The following MTOR variants were observed in gnomAD, a reference collection of about 807,000 sequenced individuals.
The protein encoded by MTOR is mechanistic target of rapamycin kinase.
A neutral mutation model predicts 319.8 loss-of-function variants in MTOR; 70 were observed. The ratio of observed to expected loss-of-function variants is 0.22; its 90% CI spans 0.18 to 0.27. MTOR has a LOEUF of 0.27. Ranked by LOEUF, MTOR falls within the 10% of genes least tolerant of loss-of-function variation. MTOR has a pLI of 1.00. For missense variants in MTOR, 1,890 were observed against 3,274.4 expected, an observed-to-expected ratio of 0.58 and a Z score of 10.32; for synonymous variants, 1,183 against 1,211.4, an observed-to-expected ratio of 0.98 and a Z score of 0.49.
chr1:11,178,720 G>A (rs961267230), intron 28 of MTOR, among the ~76,000 whole-genome samples: 2 of 152,148 alleles, frequency 1.3e-5, no homozygotes, highest in African/African-American at 2.4e-5. Flanking sequence ...TGGGGAAAAG[G>A]AGCAAAAGGG....
At chr1:11,189,711 C>A in intron 28 of MTOR, 1 of 1,614,206 alleles carries the variant, frequency 6.2e-7, no homozygotes, top group South Asian at 1.1e-5. Context: ...AAGCGGCCAA[C>A]TGCTGTGAGG....
At chr1:11,185,141 T>C (rs1410165940) in intron 28 of MTOR, among the ~76,000 whole-genome samples, 3 of 152,188 alleles carry the variant, frequency 2.0e-5, no homozygotes, top group East Asian at 1.9e-4. Context: ...TGTCCAAGAG[T>C]TCAGCTGTCT....
Position 11,258,746 on chromosome 1 carries a change from T to C in MTOR, c.163-153A>G, listed in dbSNP as rs191054633. The stretch of plus-strand genomic sequence containing the variant: ...ACTGCCCATTTCTATAGGATTACAC[T>C]GTAGAGTACCTGAACTTGCAATCAT... On this transcript the variant is annotated intron_variant, in intron 2 of 57. Transcript: ENST00000361445. Among the ~76,000 whole-genome samples, 174 of 152,354 alleles carry C rather than the reference T, an allele frequency of 1.1e-3. 1 individual carries two copies. Among genetic ancestry groups the C allele is most frequent in the Non-Finnish European group, 2.2e-3 (147 of 68,030 alleles).
chr1:11,218,157 C>T (rs563582036), intron 19 of MTOR, among the ~76,000 whole-genome samples: 52 of 152,194 alleles, frequency 3.4e-4, no homozygotes, highest in African/African-American at 1.2e-3. Flanking sequence ...ACAGGCCGGG[C>T]GCGGTGGTTC....
chr1:11,115,596 C>T lies in MTOR; in HGVS notation c.7017-128G>A, dbSNP rs1642123400. The T allele has an allele frequency of 2.5e-6, 2 of 784,760 alleles. No individual in the cohort carries two copies. Among genetic ancestry groups the T allele is most frequent in the Admixed American group, 2.0e-5 (1 of 48,886 alleles). The allele number at this position is 784,760 out of a possible 1,614,324, so 48.6% of individuals were successfully genotyped here. A position where few individuals can be genotyped will look rare whatever the true frequency, so the allele number is the denominator to read the frequency against. On this transcript the variant is annotated intron_variant, in intron 50 of 57. Transcript: ENST00000361445. This position sits in a 1 kb window ranked among gnomAD's most constrained non-coding sequence, Gnocchi z 4.5. Reference sequence around the variant, plus strand: ...CCCTCAGCCAATCCAGCCCCTCCACCTCCACTTCTGCAAGTCCAGTTTTAC... The same window carrying T: ...CCCTCAGCCAATCCAGCCCCTCCACTTCCACTTCTGCAAGTCCAGTTTTAC...
At chr1:11,202,420 CAAA>C (rs35136193) in intron 26 of MTOR, among the ~76,000 whole-genome samples, 4 of 72,152 alleles carry the variant, frequency 5.5e-5, no homozygotes, top group African/African-American at 6.3e-5. Flanking sequence ...AACTCCGTCT[CAAA>C]AAAAAAAAAA....
rs1028299764 is a variant in MTOR at position 11,145,004 on chromosome 1, A to G, written c.4728T>C (p.Thr1576=). The change falls in exon 33 of 58, where the codon ACT becomes ACC. Residue 1576 remains threonine, a synonymous_variant. Transcript: ENST00000361445. ...GACTGTAACTCTCTCCTGCCATCGCAGTTAATTCAGCATCCAGCAGGTCCC... is the reference window on the plus strand; with the variant it reads ...GACTGTAACTCTCTCCTGCCATCGCGGTTAATTCAGCATCCAGCAGGTCCC... ...KARDLLDAEL[T]AMAGESYSRA... is the part of the protein sequence containing the mutation. The G allele has an allele frequency of 6.2e-7, 1 of 1,614,152 alleles. No homozygotes were observed. Among genetic ancestry groups the G allele is most frequent in the African/African-American group, 1.3e-5 (1 of 75,040 alleles).
At chr1:11,235,857 C>T (rs1401465146) in intron 13 of MTOR, among the ~76,000 whole-genome samples, 2 of 151,992 alleles carry the variant, frequency 1.3e-5, no homozygotes, top group Non-Finnish European at 2.9e-5. Flanking sequence ...TGGCGGGCGC[C>T]TGTAGTCCCA....
chr1:11,257,246 T>A, intron 3 of MTOR, 81 bp from the exon 4 acceptor site: 1 of 1,273,178 alleles, frequency 7.9e-7, no homozygotes, highest in Non-Finnish European at 1.1e-6. Flanking sequence ...TAAAAGCTGG[T>A]GAGTGCCGGC....
At chr1:11,162,837 A>T (rs1013246524) in intron 29 of MTOR, among the ~76,000 whole-genome samples, 7 of 152,238 alleles carry the variant, frequency 4.6e-5, no homozygotes, top group African/African-American at 1.7e-4. Context: ...AACATGCCAA[A>T]TTGTAAAGAC....
chr1:11,248,889 G>A (rs1238880274), intron 6 of MTOR, among the ~76,000 whole-genome samples: 1 of 152,102 alleles, frequency 6.6e-6, no homozygotes, highest in Admixed American at 6.6e-5. Flanking sequence ...GGAATAAGCT[G>A]ACTGAGAACT....
In MTOR at chr1:11,216,653, TAAAAAAA is replaced by T. The variant is rs34042645; in HGVS notation, c.3031-426_3031-420del. Among the ~76,000 whole-genome samples the T allele has an allele frequency of 6.7e-5, 9 of 134,042 alleles. 1 individual carries two copies. The East Asian group carries it at 1.7e-3, about 26-fold the overall frequency. 87.9% of individuals were successfully genotyped at this position (134,042 alleles called of 152,430 possible). A position where few individuals can be genotyped will look rare whatever the true frequency, so the allele number is the denominator to read the frequency against. On this transcript the variant is annotated intron_variant, in intron 19 of 57. Coordinates refer to ENST00000361445, the MANE Select transcript of MTOR (RefSeq NM_004958.4). ...GGTGACAGGGTGAGACCCTGTCTCT[TAAAAAAA>T]AAAAAAAAAAAGACACAAACTTAAA...
chr1:11,221,924 T>C (rs2100827764), intron 19 of MTOR, among the ~76,000 whole-genome samples: 1 of 150,558 alleles, frequency 6.6e-6, no homozygotes, highest in East Asian at 1.9e-4. Context: ...CAACTTGGTT[T>C]ACAGTATAAA....
Position 11,258,561 on chromosome 1 carries a change from G to A in MTOR, c.195C>T (p.Asp65=). The A allele has an allele frequency of 6.2e-7, 1 of 1,614,030 alleles. No individual in the cohort carries two copies. ...MSQEESTRFY[D]QLNHHIFELV... is the part of the protein sequence containing the mutation. Reference sequence around the variant, plus strand: ...ATTCAAAAATGTGATGGTTCAGTTGGTCATAGAAGCGAGTAGACTCCTCTT... The same window carrying A: ...ATTCAAAAATGTGATGGTTCAGTTGATCATAGAAGCGAGTAGACTCCTCTT... The change falls in exon 3 of 58, where the codon GAC becomes GAT. Residue 65 remains aspartate, a synonymous_variant. Coordinates refer to ENST00000361445, the MANE Select transcript of MTOR (RefSeq NM_004958.4).
At chr1:11,239,297 G>A (rs922474284) in intron 11 of MTOR, among the ~76,000 whole-genome samples, 5 of 151,964 alleles carry the variant, frequency 3.3e-5, no homozygotes, top group South Asian at 4.1e-4. Flanking sequence ...TTTAGTTCCC[G>A]GATTTAAATA....
At chr1:11,118,057 C>T in intron 49 of MTOR, among the ~76,000 whole-genome samples, 1 of 151,464 alleles carries the variant, frequency 6.6e-6, no homozygotes, top group East Asian at 1.9e-4. Context: ...CCAGCCTGGG[C>T]AACAAGAGCG....
At chr1:11,161,930 C>T (rs914416848) in intron 29 of MTOR, among the ~76,000 whole-genome samples, 13 of 152,140 alleles carry the variant, frequency 8.5e-5, no homozygotes, top group East Asian at 3.8e-4. Flanking sequence ...CAAAGCTGGA[C>T]GGAGAACAAC....
chr1:11,259,511 C>T, intron 1 of MTOR, 88 bp from the exon 2 acceptor site: 1 of 1,392,148 alleles, frequency 7.2e-7, no homozygotes, highest in Non-Finnish European at 9.6e-7. Flanking sequence ...CACAGATCTC[C>T]CCCTAGCCCT....
intron 26 of MTOR, among the ~76,000 whole-genome samples, chr1:11,203,612 C>T (rs1646048508): frequency 1.3e-5 from 2 of 152,176 alleles, no homozygotes; most frequent in African/African-American, 4.8e-5. Flanking sequence ...GGCAGGGTTG[C>T]AGTGAGCCAC....
Sources: gnomAD v4.1 joint callset for allele counts (sites outside exome capture counted in the v4.1 genomes callset) on GRCh38, gnomAD v4.1.1 for gene constraint, Gnocchi (gnomAD v3.1) non-coding constraint, MANE v1.5 for transcripts, NCBI Gene and HGNC (gene_info 2026-07-23, HGNC 2026-07-21) for gene names.